Variants in NHEJ1 observed in about 807,000 individuals in gnomAD.
The protein encoded by NHEJ1 is non-homologous end-joining factor 1.
Under a neutral mutation model 39.4 loss-of-function variants are expected in NHEJ1, and 22 were observed. That is an observed-to-expected ratio of 0.56 (90% CI 0.40 to 0.80). NHEJ1 has a LOEUF of 0.80. Among genes scored for constraint, NHEJ1 ranks in the 30% least tolerant of loss-of-function variants. The pLI is 0.00. For synonymous variants in NHEJ1, 154 were observed against 135.6 expected, an observed-to-expected ratio of 1.14 and a Z score of -0.94; for missense variants, 329 against 357.1, an observed-to-expected ratio of 0.92 and a Z score of 0.63.
chr2:219,153,004 T>C (rs1204549577), intron 3 of NHEJ1, among the ~76,000 whole-genome samples: 5 of 152,048 alleles, frequency 3.3e-5, no homozygotes, highest in African/African-American at 1.2e-4. Flanking sequence ...GGTTTCGCTA[T>C]GTTGGCCAGG....
chr2:219,092,744 G>A (rs928881211), intron 5 of NHEJ1, among the ~76,000 whole-genome samples: 3 of 152,180 alleles, frequency 2.0e-5, no homozygotes, highest in Non-Finnish European at 4.4e-5. Context: ...GAAAGACCAC[G>A]TAGAGCCAGT....
At chr2:219,077,824 C>G (rs1439483361) in intron 6 of NHEJ1, among the ~76,000 whole-genome samples, 1 of 152,110 alleles carries the variant, frequency 6.6e-6, no homozygotes, top group Admixed American at 6.6e-5. Flanking sequence ...TTCTAAGTAC[C>G]TAGACCAGTG....
At chr2:219,085,652 A>G (rs1949105070) in intron 5 of NHEJ1, among the ~76,000 whole-genome samples, 1 of 152,218 alleles carries the variant, frequency 6.6e-6, no homozygotes, top group Non-Finnish European at 1.5e-5. Flanking sequence ...AAAAGAACAC[A>G]GAGAAACCCA....
Position 219,132,700 on chromosome 2 carries a change from C to T in NHEJ1, c.588+13980G>A, listed in dbSNP as rs2106351981. On this transcript the variant is annotated intron_variant, in intron 5 of 7. Transcript: ENST00000356853. Reference sequence around the variant, plus strand: ...GTCTTTTCCTTCAGCAGCCACTCTCCATACAATATTCCTCTGAACTCTTAC... The same window carrying T: ...GTCTTTTCCTTCAGCAGCCACTCTCTATACAATATTCCTCTGAACTCTTAC... Among the ~76,000 whole-genome samples the T allele has an allele frequency of 1.3e-5, 2 of 152,268 alleles. 1 individual carries two copies. The highest frequency in any genetic ancestry group is 6.8e-3 in the Middle Eastern group (2 of 294).
intron 5 of NHEJ1, among the ~76,000 whole-genome samples, chr2:219,102,024 C>T (rs1313332294): frequency 1.3e-5 from 2 of 152,182 alleles, no homozygotes; most frequent in Non-Finnish European, 2.9e-5. Flanking sequence ...GCACCCAGCC[C>T]TCATTCTTTT....
rs143795666 is a variant in NHEJ1, at chr2:219,114,541, T to C, written c.588+32139A>G. On this transcript the variant is annotated intron_variant, in intron 5 of 7. Coordinates refer to ENST00000356853, the MANE Select transcript of NHEJ1 (RefSeq NM_024782.3). Reference sequence around the variant, plus strand: ...TACTCCATAGGCCTACAAGAGGTAATGCTTACACAGGCCTAAGAAATAGAA... The same window carrying C: ...TACTCCATAGGCCTACAAGAGGTAACGCTTACACAGGCCTAAGAAATAGAA... 8.6e-3 allele frequency among the ~76,000 whole-genome samples: 1,315 copies of C among 152,234 alleles called. 12 individuals are homozygous for C. The highest frequency in any genetic ancestry group is 0.014 in the Middle Eastern group (4 of 294).
At chr2:219,135,626 A>T (rs1399668759) in intron 5 of NHEJ1, among the ~76,000 whole-genome samples, 1 of 152,094 alleles carries the variant, frequency 6.6e-6, no homozygotes, top group Non-Finnish European at 1.5e-5. Flanking sequence ...AAGAAGTAAG[A>T]CATCAAACAT....
In NHEJ1 at chr2:219,076,455, C is replaced by T; in HGVS notation, c.826G>A (p.Gly276Ser). 6.2e-7 allele frequency: 1 copy of T among 1,613,728 alleles called. No homozygotes were observed. The highest frequency in any genetic ancestry group is 8.5e-7 in the Non-Finnish European group (1 of 1,179,908). The change falls in exon 8 of 8, where the codon GGT (glycine) becomes AGT (serine). Residue 276 changes from glycine (G) to serine (S), a missense_variant and splice_region_variant. By Grantham distance (56) the Gly-to-Ser change is moderately conservative. Coordinates refer to ENST00000356853, the MANE Select transcript of NHEJ1 (RefSeq NM_024782.3). ...GGTCTCTGCAGAGGGCCTGAAGTACCCTAGAAAAAAGGGAACCCAAGTTAG... is the reference window on the plus strand; with the variant it reads ...GGTCTCTGCAGAGGGCCTGAAGTACTCTAGAAAAAAGGGAACCCAAGTTAG... ...TLSAPEKEST[G>S]TSGPLQRPQL... is the part of the protein sequence containing the mutation.
chr2:219,115,736 C>T (rs1949407690), intron 5 of NHEJ1, among the ~76,000 whole-genome samples: 1 of 152,216 alleles, frequency 6.6e-6, no homozygotes, highest in South Asian at 2.1e-4. Context: ...TCCGACAACT[C>T]ATGTGGGCTG....
chr2:219,075,928 G>T lies in NHEJ1; in HGVS notation c.*453C>A, dbSNP rs192130060. 1.1e-5 allele frequency: 2 copies of T among 188,006 alleles called. No homozygotes were observed. The allele number at this position is 188,006 out of a possible 1,614,324, so 11.6% of individuals were successfully genotyped here. On this transcript the variant is annotated 3_prime_UTR_variant, in exon 8 of 8. Coordinates refer to ENST00000356853, the MANE Select transcript of NHEJ1 (RefSeq NM_024782.3). ...TGGGGTGGGACCCAGTGAAGGAAGTGAATTGGGTTATGAGTTCCACAGCAT... is the reference window on the plus strand; with the variant it reads ...TGGGGTGGGACCCAGTGAAGGAAGTTAATTGGGTTATGAGTTCCACAGCAT...
At chr2:219,104,637 T>C (rs1949297826) in intron 5 of NHEJ1, among the ~76,000 whole-genome samples, 1 of 152,058 alleles carries the variant, frequency 6.6e-6, no homozygotes, top group East Asian at 1.9e-4. Flanking sequence ...AAGAGGGATA[T>C]ACATAAATAG....
chr2:219,126,526 G>A (rs554980594), intron 5 of NHEJ1, among the ~76,000 whole-genome samples: 8 of 152,266 alleles, frequency 5.3e-5, no homozygotes, highest in Admixed American at 1.3e-4. Context: ...GCAGTTATGC[G>A]AATCAAATGA....
intron 5 of NHEJ1, among the ~76,000 whole-genome samples, chr2:219,107,776 C>G (rs1949327240): frequency 6.6e-6 from 1 of 152,142 alleles, no homozygotes; most frequent in African/African-American, 2.4e-5. Flanking sequence ...CTCCCAGAGT[C>G]CATACTGGTT....
chr2:219,119,878 T>A (rs1949454979), intron 5 of NHEJ1, among the ~76,000 whole-genome samples: 1 of 152,198 alleles, frequency 6.6e-6, no homozygotes, highest in Non-Finnish European at 1.5e-5. Flanking sequence ...GTCCTACAGC[T>A]CTTTGTGACG....
chr2:219,079,652 C>A (rs1949044886), intron 5 of NHEJ1, among the ~76,000 whole-genome samples: 1 of 152,180 alleles, frequency 6.6e-6, no homozygotes, highest in South Asian at 2.1e-4. Context: ...AGTCTAACAG[C>A]CCTCTGGCAG....
At chr2:219,079,667 C>G in intron 5 of NHEJ1, among the ~76,000 whole-genome samples, 1 of 152,182 alleles carries the variant, frequency 6.6e-6, no homozygotes, top group East Asian at 1.9e-4. Flanking sequence ...TGGCAGCATT[C>G]CCTGAGGAAT....
At chr2:219,107,852 G>A (rs13386793) in intron 5 of NHEJ1, among the ~76,000 whole-genome samples, 20,410 of 151,718 alleles carry the variant, frequency 0.13, 1,615 homozygotes, top group African/African-American at 0.23. Flanking sequence ...CTCCACATAC[G>A]AACTTCTTGT....
chr2:219,110,516 C>T (rs1949356312), intron 5 of NHEJ1, among the ~76,000 whole-genome samples: 1 of 143,124 alleles, frequency 7.0e-6, no homozygotes, highest in Admixed American at 7.1e-5. Context: ...GAGTGAGATG[C>T]TGCCAAAAAA....
At chr2:219,114,918 G>C (rs1017791460) in intron 5 of NHEJ1, among the ~76,000 whole-genome samples, 1 of 152,188 alleles carries the variant, frequency 6.6e-6, no homozygotes, top group Admixed American at 6.5e-5. Context: ...TGTCTGAACA[G>C]AGTCTTATTC....
Sources: gnomAD v4.1 joint callset for allele counts (sites outside exome capture counted in the v4.1 genomes callset) on GRCh38, gnomAD v4.1.1 for gene constraint, MANE v1.5 for transcripts, NCBI Gene and HGNC (gene_info 2026-07-23, HGNC 2026-07-21) for gene names.